The following LNP1 variants were observed in gnomAD, a reference collection of about 807,000 sequenced individuals.
LNP1 encodes the protein leukemia NUP98 fusion partner 1.
Under a neutral mutation model 14.5 loss-of-function variants are expected in LNP1, and 12 were observed. The ratio of observed to expected loss-of-function variants is 0.83; its 90% confidence interval spans 0.53 to 1.34. LNP1 has a LOEUF of 1.34. Among genes scored for constraint, LNP1 ranks in the 40% most tolerant of loss-of-function variants. LNP1 has a pLI of 0.00. For missense variants in LNP1, 198 were observed against 210.9 expected, an observed-to-expected ratio of 0.94 and a Z score of 0.38; for synonymous variants, 75 against 71.4, an observed-to-expected ratio of 1.05 and a Z score of -0.26.
chr3:100,420,577 A>T (rs982879402), intron 1 of LNP1, among the ~76,000 whole-genome samples: 2 of 151,614 alleles, frequency 1.3e-5, no homozygotes, highest in African/African-American at 4.9e-5. Context: ...TTGGCCTCCC[A>T]AAGTGCTGGG....
chr3:100,450,689 T>C (rs1445194509), intron 2 of LNP1, among the ~76,000 whole-genome samples: 8 of 152,116 alleles, frequency 5.3e-5, no homozygotes, highest in Non-Finnish European at 1.0e-4. Flanking sequence ...GTTCCTTACT[T>C]AGGCATGGGT....
chr3:100,432,260 C>G (rs1357294384), intron 2 of LNP1, among the ~76,000 whole-genome samples: 1 of 151,482 alleles, frequency 6.6e-6, no homozygotes, highest in African/African-American at 2.4e-5. Flanking sequence ...AGAGCTTTCC[C>G]CCTTGCCTAC....
chr3:100,433,289 A>G (rs200646663), intron 2 of LNP1, among the ~76,000 whole-genome samples: 1 of 151,428 alleles, frequency 6.6e-6, no homozygotes, highest in Non-Finnish European at 1.5e-5. Flanking sequence ...TCATTGTTCA[A>G]CTCCCACTTG....
intron 1 of LNP1, among the ~76,000 whole-genome samples, chr3:100,419,083 ATCT>A (rs1707118591): frequency 6.6e-6 from 1 of 152,132 alleles, no homozygotes; most frequent in South Asian, 2.1e-4. Flanking sequence ...AGTAGGGCAC[ATCT>A]TGAGGGGTCA....
At chr3:100,417,542 A>AT (rs1235656030) in intron 1 of LNP1, among the ~76,000 whole-genome samples, 3 of 150,456 alleles carry the variant, frequency 2.0e-5, no homozygotes, top group African/African-American at 7.3e-5. Flanking sequence ...TGCCCTGCTA[A>AT]TTTTTTTTGT....
chr3:100,428,712 A>G (rs1433160897), intron 1 of LNP1, among the ~76,000 whole-genome samples: 2 of 152,192 alleles, frequency 1.3e-5, no homozygotes, highest in Non-Finnish European at 2.9e-5. Flanking sequence ...AGTAACCTAA[A>G]TGACAGCCTA....
intron 2 of LNP1, among the ~76,000 whole-genome samples, chr3:100,450,617 A>T (rs1176601935): frequency 6.6e-6 from 1 of 152,132 alleles, no homozygotes; most frequent in Non-Finnish European, 1.5e-5. Flanking sequence ...GATTACAGGC[A>T]TGAGCCACCA....
intron 1 of LNP1, among the ~76,000 whole-genome samples, chr3:100,428,994 G>A (rs1707219610): frequency 3.3e-5 from 5 of 152,196 alleles, no homozygotes; most frequent in Admixed American, 3.3e-4. Flanking sequence ...CAGTTGGGGT[G>A]CTGGCAATGT....
rs1337457822 is a variant in LNP1, at chr3:100,402,053, C to T, written c.-420C>T. The stretch of plus-strand genomic sequence containing the variant: ...AGCAGTCTCAGCCCTCTTCTCGTCT[C>T]ATTCCCAAATCGTAATTTCAGTTCA... On this transcript the variant is annotated 5_prime_UTR_variant, in exon 1 of 4. Coordinates refer to ENST00000383693, the MANE Select transcript of LNP1 (RefSeq NM_001085451.2). 6.6e-6 allele frequency: 1 copy of T among 152,258 alleles called. No homozygotes were observed. The allele number at this position is 152,258 out of a possible 1,614,324, so 9.4% of individuals were successfully genotyped here. A position where few individuals can be genotyped will look rare whatever the true frequency, so the allele number is the denominator to read the frequency against.
At chr3:100,423,233 C>T (rs537071212) in intron 1 of LNP1, among the ~76,000 whole-genome samples, 32 of 152,080 alleles carry the variant, frequency 2.1e-4, no homozygotes, top group South Asian at 4.1e-4. Context: ...AGAATGAGAC[C>T]GGTTCAGTCA....
At chr3:100,439,330 T>G (rs1707322826) in intron 2 of LNP1, among the ~76,000 whole-genome samples, 1 of 151,988 alleles carries the variant, frequency 6.6e-6, no homozygotes, top group African/African-American at 2.4e-5. Context: ...AGAAAAACTT[T>G]GGTAAGAGTC....
chr3:100,455,221 A>G (rs1465699891), intron 3 of LNP1, among the ~76,000 whole-genome samples: 2 of 152,184 alleles, frequency 1.3e-5, no homozygotes, highest in African/African-American at 2.4e-5. Flanking sequence ...TTAGTGTTAT[A>G]TCTCCTGATC....
At chr3:100,408,074 G>C (rs1559838822) in intron 1 of LNP1, among the ~76,000 whole-genome samples, 1 of 152,164 alleles carries the variant, frequency 6.6e-6, no homozygotes, top group African/African-American at 2.4e-5. Flanking sequence ...GCAGATAGTT[G>C]ATATATCTGT....
At chr3:100,439,100 G>C (rs1707318877) in intron 2 of LNP1, among the ~76,000 whole-genome samples, 1 of 152,108 alleles carries the variant, frequency 6.6e-6, no homozygotes, top group African/African-American at 2.4e-5. Context: ...GCTGTAAGGA[G>C]TTTTAAGTAC....
chr3:100,433,396 T>A (rs551386514), intron 2 of LNP1, among the ~76,000 whole-genome samples: 1 of 152,308 alleles, frequency 6.6e-6, no homozygotes, highest in East Asian at 1.9e-4. Flanking sequence ...AAGGACATGA[T>A]CTCATTCTTT....
intron 2 of LNP1, among the ~76,000 whole-genome samples, chr3:100,440,045 C>A (rs1707331687): frequency 6.6e-6 from 1 of 152,198 alleles, no homozygotes; most frequent in Admixed American, 6.5e-5. Context: ...ATTAAAGCTT[C>A]TTCTGAGGCC....
At position 100,456,072 on chromosome 3, in the gene LNP1, GT is replaced by G; in HGVS notation, c.*147del. ...CAACTGCAGATGCTGACTGACTGCA[GT>G]GGGCAGGGTATGTAGCTGCTCCAAG... On this transcript the variant is annotated 3_prime_UTR_variant, in exon 4 of 4. Transcript: ENST00000383693. 1.3e-6 allele frequency: 1 copy of G among 752,882 alleles called. No homozygotes were observed. The highest frequency in any genetic ancestry group is 1.9e-5 in the South Asian group (1 of 52,420). The allele number at this position is 752,882 out of a possible 1,614,324, so 46.6% of individuals were successfully genotyped here. A position where few individuals can be genotyped will look rare whatever the true frequency, so the allele number is the denominator to read the frequency against.
chr3:100,404,121 A>G (rs1421491658), intron 1 of LNP1, among the ~76,000 whole-genome samples: 3 of 152,252 alleles, frequency 2.0e-5, no homozygotes, highest in African/African-American at 7.2e-5. Flanking sequence ...TTCATCCAAA[A>G]TCTGTTGTAA....
chr3:100,450,427 G>T (rs1707427340), intron 2 of LNP1, among the ~76,000 whole-genome samples: 1 of 150,632 alleles, frequency 6.6e-6, no homozygotes. Flanking sequence ...TCCACCTCCT[G>T]GGTTCAAGCG....
Sources: allele counts gnomAD v4.1 joint callset (sites outside exome capture counted in the v4.1 genomes callset), GRCh38; gene constraint gnomAD v4.1.1; transcripts MANE v1.5; gene names NCBI Gene and HGNC (gene_info 2026-07-23, HGNC 2026-07-21).